PCDHGB5: variants seen among roughly 807,000 people sequenced by gnomAD.
PCDHGB5 encodes protocadherin gamma subfamily B, 5, also known as protocadherin gamma-B5.
PCDHGB5 carries 48 observed loss-of-function variants against 62.9 expected under a neutral mutation model. That is an observed-to-expected ratio of 0.76 (90% CI 0.61 to 0.97). The LOEUF (loss-of-function observed/expected upper bound fraction) is 0.97. PCDHGB5 is among the 50% of genes least tolerant of loss of function. The pLI is 0.00. For missense variants in PCDHGB5, 1,118 were observed against 1,198.6 expected (o/e 0.93, Z 0.99); for synonymous variants, 474 against 511.2 (o/e 0.93, Z 0.98).
Position 141,491,706 on chromosome 5 carries a change from G to T in PCDHGB5, c.2398-3101G>T. 6.2e-7 allele frequency: 1 copy of T among 1,611,088 alleles called. No individual in the cohort carries two copies. Among genetic ancestry groups the T allele is most frequent in the Non-Finnish European group, 8.5e-7 (1 of 1,178,772 alleles). On this transcript the variant is annotated intron_variant, in intron 1 of 3. Coordinates refer to ENST00000617380, the MANE Select transcript of PCDHGB5 (RefSeq NM_018925.3). The surrounding 1 kb of genome is among the most constrained non-coding windows in gnomAD (Gnocchi z 6.9). Reference sequence around the variant, plus strand: ...CGCTGCGGGAGCGGAGCCAGGTGAGGGGCTCGGCGCCGCCCCGGGCGACCC... The same window carrying T: ...CGCTGCGGGAGCGGAGCCAGGTGAGTGGCTCGGCGCCGCCCCGGGCGACCC...
chr5:141,460,979 GTGTGTATATATATATA>G (rs2099004425), intron 1 of PCDHGB5, among the ~76,000 whole-genome samples: 1 of 134,290 alleles, frequency 7.4e-6, no homozygotes, highest in Non-Finnish European at 1.5e-5. Flanking sequence ...GTGTGTGTGT[GTGTGTATATATATATA>G]TGTGTATATA....
Position 141,415,748 on chromosome 5 carries a change from T to G in PCDHGB5, c.2397+15224T>G, listed in dbSNP as rs1345423849. On this transcript the variant is annotated intron_variant, in intron 1 of 3. Transcript: ENST00000617380. ...ATTTGATGTTTATTAAGGTTTTTTT[T>G]TTTTTTTTTTTTTTTTTTTTTTTTA... is the stretch of plus-strand genomic sequence containing the variant. 87 of 1,008,904 alleles carry G rather than the reference T, an allele frequency of 8.6e-5. No individual in the cohort carries two copies. The Middle Eastern group carries it at 1.2e-3, about 13-fold the overall frequency. 62.5% of individuals were successfully genotyped at this position (1,008,904 alleles called of 1,614,324 possible).
At chr5:141,510,366 T>A (rs1452829030) in intron 3 of PCDHGB5, among the ~76,000 whole-genome samples, 1 of 140,062 alleles carries the variant, frequency 7.1e-6, no homozygotes, top group Non-Finnish European at 1.6e-5. Context: ...AACTACCGAA[T>A]CTCTACTCGT....
Position 141,404,625 on chromosome 5 carries a change from A to G in PCDHGB5, c.2397+4101A>G, listed in dbSNP as rs375300806. The G allele has an allele frequency of 9.0e-5, 146 of 1,614,036 alleles. No homozygotes were observed. The highest frequency in any genetic ancestry group is 5.1e-4 in the South Asian group (46 of 91,078). On this transcript the variant is annotated intron_variant, in intron 1 of 3. Transcript: ENST00000617380. ...CTGTTTGTTTTGGACCAGAATGACA[A>G]TGCCCCAGAAATCCTGTACCCTGCC...
At chr5:141,413,822 T>G in intron 1 of PCDHGB5, 1 of 1,613,216 alleles carries the variant, frequency 6.2e-7, no homozygotes, top group Non-Finnish European at 8.5e-7. Context: ...CACCTGGTCC[T>G]CACCGCCTCC....
chr5:141,423,447 T>C (rs1347619382), intron 1 of PCDHGB5: 1 of 1,613,880 alleles, frequency 6.2e-7, no homozygotes, highest in Admixed American at 1.7e-5. Context: ...CCACGTCACA[T>C]TTTGTAGGCG....
At chr5:141,433,406 T>C (rs2097604777) in intron 1 of PCDHGB5, among the ~76,000 whole-genome samples, 1 of 149,982 alleles carries the variant, frequency 6.7e-6, no homozygotes, top group Non-Finnish European at 1.5e-5. Flanking sequence ...TATCTATCTA[T>C]TACTTTCTTG....
At chr5:141,411,881 G>T (rs1299555823) in intron 1 of PCDHGB5, 2 of 152,114 alleles carry the variant, frequency 1.3e-5, no homozygotes, top group Middle Eastern at 3.2e-3. Flanking sequence ...ACATTTCTAA[G>T]AAATAAATGA....
chr5:141,481,794 A>G (rs1433830305), intron 1 of PCDHGB5, among the ~76,000 whole-genome samples: 1 of 152,136 alleles, frequency 6.6e-6, no homozygotes, highest in Non-Finnish European at 1.5e-5. Context: ...TCTACTAAAA[A>G]TACAAAAATT....
intron 1 of PCDHGB5, chr5:141,404,669 A>G: frequency 1.9e-6 from 3 of 1,614,100 alleles, no homozygotes; most frequent in Non-Finnish European, 2.5e-6. Context: ...TGATGGTTCT[A>G]CTGGTGTGGA....
chr5:141,421,695 T>C (rs374319762), intron 1 of PCDHGB5: 15 of 1,613,840 alleles, frequency 9.3e-6, no homozygotes, highest in Non-Finnish European at 1.2e-5. Context: ...TTGCTCTTCC[T>C]AATGCTAGGG....
rs769514553 is a variant in PCDHGB5, at chr5:141,490,072, G to T, written c.2398-4735G>T. On this transcript the variant is annotated intron_variant, in intron 1 of 3. Transcript: ENST00000617380. The surrounding 1 kb of genome is among the most constrained non-coding windows in gnomAD (Gnocchi z 5.4). Reference sequence around the variant, plus strand: ...AGACGAGGGCACCAACGGCCAACTAGACTATTCTTTTGGAGACCACACATC... The same window carrying T: ...AGACGAGGGCACCAACGGCCAACTATACTATTCTTTTGGAGACCACACATC... 2 of 1,614,254 alleles carry T rather than the reference G, an allele frequency of 1.2e-6. No homozygotes were observed. Among genetic ancestry groups the T allele is most frequent in the South Asian group, 2.2e-5 (2 of 91,090 alleles).
At position 141,490,821 on chromosome 5, in the gene PCDHGB5, G is replaced by A. The variant is rs907584239; in HGVS notation, c.2398-3986G>A. On this transcript the variant is annotated intron_variant, in intron 1 of 3. Transcript: ENST00000617380. The surrounding 1 kb of genome is among the most constrained non-coding windows in gnomAD (Gnocchi z 5.4). ...AGCGTACCTTTGACTATGAATTGCT[G>A]CAGATGCTGCAGATTGTGGTGGGGG... 6.2e-7 allele frequency: 1 copy of A among 1,613,876 alleles called. No homozygotes were observed. Among genetic ancestry groups the A allele is most frequent in the Non-Finnish European group, 8.5e-7 (1 of 1,179,826 alleles).
chr5:141,489,205 G>A lies in PCDHGB5; in HGVS notation c.2398-5602G>A. 2.1e-6 allele frequency: 3 copies of A among 1,438,682 alleles called. No homozygotes were observed. Among genetic ancestry groups the A allele is most frequent in the Non-Finnish European group, 1.9e-6 (2 of 1,060,944 alleles). 89.1% of individuals were successfully genotyped at this position (1,438,682 alleles called of 1,614,324 possible). On this transcript the variant is annotated intron_variant, in intron 1 of 3. Coordinates refer to ENST00000617380, the MANE Select transcript of PCDHGB5 (RefSeq NM_018925.3). The surrounding 1 kb of genome is among the most constrained non-coding windows in gnomAD (Gnocchi z 4.5). ...CTGGGTCTACCTTGGAGACAGGACA[G>A]CACAGACTTACTCTCCACAAAGGGA...
chr5:141,450,258 T>A (rs1267755848), intron 1 of PCDHGB5, among the ~76,000 whole-genome samples: 1 of 152,096 alleles, frequency 6.6e-6, no homozygotes, highest in Non-Finnish European at 1.5e-5. Context: ...CCTCAAGTGA[T>A]CTGCCCACCT....
At chr5:141,466,716 T>A (rs2099127818) in intron 1 of PCDHGB5, among the ~76,000 whole-genome samples, 1 of 152,210 alleles carries the variant, frequency 6.6e-6, no homozygotes, top group South Asian at 2.1e-4. Flanking sequence ...TGTTCTTGTT[T>A]CCATTTTAGC....
At chr5:141,418,848 G>C (rs770294020) in intron 1 of PCDHGB5, 1 of 1,613,836 alleles carries the variant, frequency 6.2e-7, no homozygotes, top group Non-Finnish European at 8.5e-7. Flanking sequence ...CTCTCAACAC[G>C]GTGTAAAGTA....
intron 1 of PCDHGB5, among the ~76,000 whole-genome samples, chr5:141,457,594 TA>T (rs1239366532): frequency 6.6e-6 from 1 of 152,250 alleles, no homozygotes; most frequent in Non-Finnish European, 1.5e-5. Flanking sequence ...TCATTTTTGG[TA>T]AAAACTAATT....
rs373516334 is a variant in PCDHGB5 at position 141,414,175 on chromosome 5, A to G, written c.2397+13651A>G. On this transcript the variant is annotated intron_variant, in intron 1 of 3. Transcript: ENST00000617380. ...AGAAGATGGAGGAGCATATCTTGCA[A>G]CTGCAAAAGTGTTGATTACAGTAGA... 1.6e-5 allele frequency: 25 copies of G among 1,607,698 alleles called. No homozygotes were observed. The highest frequency in any genetic ancestry group is 1.3e-4 in the South Asian group (12 of 90,242).
Sources: allele counts gnomAD v4.1 joint callset (sites outside exome capture counted in the v4.1 genomes callset), GRCh38; gene constraint gnomAD v4.1.1; non-coding constraint Gnocchi (gnomAD v3.1); transcripts MANE v1.5; gene names NCBI Gene and HGNC (gene_info 2026-07-23, HGNC 2026-07-21).